Variants in PTPRS observed in about 807,000 individuals in gnomAD.
PTPRS encodes the protein receptor-type tyrosine-protein phosphatase S.
Under a neutral mutation model 215.3 loss-of-function variants are expected in PTPRS, and 63 were observed. The ratio of observed to expected loss-of-function variants is 0.29; its 90% CI spans 0.24 to 0.36. The LOEUF is 0.36. Among genes scored for constraint, PTPRS ranks in the 10% least tolerant of loss-of-function variants. The pLI, the probability that PTPRS is intolerant of heterozygous loss-of-function variation, is 1.00. For synonymous variants in PTPRS, 1,404 were observed against 1,191.4 expected (o/e 1.18, Z -3.68); for missense variants, 2,258 against 2,825.8 (o/e 0.80, Z 4.56).
intron 1 of PTPRS, among the ~76,000 whole-genome samples, chr19:5,325,908 G>A (rs1294529835): frequency 6.6e-6 from 1 of 152,242 alleles, no homozygotes; most frequent in Non-Finnish European, 1.5e-5. Context: ...AGAAAGTCCA[G>A]GAGATGCCCC....
intron 1 of PTPRS, among the ~76,000 whole-genome samples, chr19:5,331,128 T>TAAAAAAAAAA (rs1041351468): frequency 3.4e-4 from 34 of 100,100 alleles, no homozygotes; most frequent in African/African-American, 1.4e-3. Context: ...CTTCTTTTTT[T>TAAAAAAAAAA]AAAAAAAAAA....
chr19:5,215,650 A>G, intron 26 of PTPRS, 55 bp from the exon 27 acceptor site: 5 of 915,838 alleles, frequency 5.5e-6, no homozygotes, highest in South Asian at 4.2e-5. Flanking sequence ...CCAGCCGGGG[A>G]CTCGGGGGAG....
chr19:5,274,915 C>A lies in PTPRS; in HGVS notation c.92-571G>T, dbSNP rs532606150. On this transcript the variant is annotated intron_variant, in intron 2 of 37. Transcript: ENST00000262963. ...GTATTTGAACCCAGAGCTCCAGCTT[C>A]TTGGGAGGCATCCAGGAGGTGGCTG... Among the ~76,000 whole-genome samples, 55 of 152,284 alleles carry A rather than the reference C, an allele frequency of 3.6e-4. No individual in the cohort carries two copies. The South Asian group carries it at 0.011, about 32-fold the overall frequency.
rs566021053 is a variant in PTPRS, at chr19:5,263,395, G to A, written c.569-423C>T. Among the ~76,000 whole-genome samples the A allele has an allele frequency of 3.3e-5, 5 of 152,132 alleles. No homozygotes were observed. The South Asian group carries it at 8.3e-4, about 25-fold the overall frequency. On this transcript the variant is annotated intron_variant, in intron 5 of 37. Coordinates refer to ENST00000262963, the MANE Select transcript of PTPRS (RefSeq NM_002850.4). ...GCTTGGTTTTCACTAAGGAGGAGGA[G>A]CAGAAAGCGGAGAACAGGTAGGTAG...
rs1358000631 is a variant in PTPRS, at chr19:5,237,990, G to T, written c.1849+929C>A. Reference sequence around the variant, plus strand: ...CACACACCCAGGGCGGGCCTTGAAGGTTTGACCATCATGACTGATTCTGGA... The same window carrying T: ...CACACACCCAGGGCGGGCCTTGAAGTTTTGACCATCATGACTGATTCTGGA... On this transcript the variant is annotated intron_variant, in intron 13 of 37. Coordinates refer to ENST00000262963, the MANE Select transcript of PTPRS (RefSeq NM_002850.4). This position sits in a 1 kb window ranked among gnomAD's most constrained non-coding sequence, Gnocchi z 4.2. 6.6e-6 allele frequency among the ~76,000 whole-genome samples: 1 copy of T among 152,194 alleles called. No homozygotes were observed. The highest frequency in any genetic ancestry group is 6.5e-5 in the Admixed American group (1 of 15,292).
chr19:5,258,178 G>C, intron 7 of PTPRS, 51 bp from the exon 8 acceptor site: 1 of 1,481,704 alleles, frequency 6.7e-7, no homozygotes, highest in Non-Finnish European at 9.4e-7. Flanking sequence ...GCCCAGGAGT[G>C]AACAGGGAAA....
Position 5,237,293 on chromosome 19 carries a change from CG to C in PTPRS, c.1849+1625del, listed in dbSNP as rs966493481. On this transcript the variant is annotated intron_variant, in intron 13 of 37. Transcript: ENST00000262963. The surrounding 1 kb of genome is among the most constrained non-coding windows in gnomAD (Gnocchi z 4.2). ...TTCAGCCTAAGGAGCCCGCAGTCCC[CG>C]GGGGGATGGATACGCCTGGCCCTGA... 9.4e-4 allele frequency among the ~76,000 whole-genome samples: 143 copies of C among 152,322 alleles called. No homozygotes were observed. The highest frequency in any genetic ancestry group is 3.4e-3 in the African/African-American group (141 of 41,572).
intron 5 of PTPRS, among the ~76,000 whole-genome samples, chr19:5,263,624 C>T (rs1303727781): frequency 6.6e-6 from 1 of 152,216 alleles, no homozygotes; most frequent in African/African-American, 2.4e-5. Context: ...CAACTGAAAA[C>T]AGTAAATCCG....
rs904391707 is a variant in PTPRS, at chr19:5,295,527, G to C, written c.-94-9293C>G. Among the ~76,000 whole-genome samples, 1 of 152,126 alleles carries C rather than the reference G, an allele frequency of 6.6e-6. No homozygotes were observed. Among genetic ancestry groups the C allele is most frequent in the African/African-American group, 2.4e-5 (1 of 41,440 alleles). On this transcript the variant is annotated intron_variant, in intron 1 of 37. Transcript: ENST00000262963. The surrounding 1 kb of genome is among the most constrained non-coding windows in gnomAD (Gnocchi z 4.6). ...AGCCCTACATGCGCCTAGTCCCCGG[G>C]TCTGCCTCTCCCACCAGACTGTGAC...
intron 2 of PTPRS, among the ~76,000 whole-genome samples, chr19:5,276,121 C>T (rs2047338581): frequency 6.6e-6 from 1 of 152,240 alleles, no homozygotes; most frequent in Non-Finnish European, 1.5e-5. Context: ...GAACGTGCTC[C>T]TTTGAACCAG....
chr19:5,308,954 G>C lies in PTPRS; in HGVS notation c.-94-22720C>G, dbSNP rs1462311343. 3.9e-5 allele frequency among the ~76,000 whole-genome samples: 6 copies of C among 152,182 alleles called. No individual in the cohort carries two copies. The East Asian group carries it at 7.7e-4, about 20-fold the overall frequency. On this transcript the variant is annotated intron_variant, in intron 1 of 37. Transcript: ENST00000262963. The stretch of plus-strand genomic sequence containing the variant: ...TACCAGGAGCACGGGTGGGGTACGG[G>C]GCAGGGAGGCAAAAGGAACCCTGGG...
rs887184476 is a variant in PTPRS at position 5,220,940 on chromosome 19, C to T, written c.3455+60G>A. On this transcript the variant is annotated intron_variant, in intron 20 of 37. Transcript: ENST00000262963. ...GCACAGAGAGGGCACGTGGCTTGCCCCAGCCATATAGTAGGCTGATGGGGG... is the reference window on the plus strand; with the variant it reads ...GCACAGAGAGGGCACGTGGCTTGCCTCAGCCATATAGTAGGCTGATGGGGG... 8 of 1,542,818 alleles carry T rather than the reference C, an allele frequency of 5.2e-6. No homozygotes were observed. In the African/African-American group the frequency reaches 1.1e-4, roughly 21 times the overall value.
At chr19:5,225,509 G>C (rs1330396620) in intron 17 of PTPRS, among the ~76,000 whole-genome samples, 1 of 151,346 alleles carries the variant, frequency 6.6e-6, no homozygotes, top group Non-Finnish European at 1.5e-5. Context: ...GGAGCCGGGG[G>C]GACAGGAAGT....
At chr19:5,283,658 G>A (rs897756950) in intron 2 of PTPRS, among the ~76,000 whole-genome samples, 2 of 152,170 alleles carry the variant, frequency 1.3e-5, no homozygotes, top group South Asian at 4.1e-4. Context: ...AGACAGGCCA[G>A]GAAGACTCAG....
At chr19:5,322,216 C>T (rs1243361249) in intron 1 of PTPRS, among the ~76,000 whole-genome samples, 1 of 152,226 alleles carries the variant, frequency 6.6e-6, no homozygotes, top group Non-Finnish European at 1.5e-5. Flanking sequence ...GACACCCTCG[C>T]GGCCGTGCCT....
At chr19:5,337,068 C>T (rs1242396050) in intron 1 of PTPRS, among the ~76,000 whole-genome samples, 1 of 152,202 alleles carries the variant, frequency 6.6e-6, no homozygotes, top group Non-Finnish European at 1.5e-5. Flanking sequence ...CTACAGCGGT[C>T]AGCACTGCGC....
At chr19:5,320,965 G>A (rs2050009962) in intron 1 of PTPRS, among the ~76,000 whole-genome samples, 1 of 152,212 alleles carries the variant, frequency 6.6e-6, no homozygotes, top group East Asian at 1.9e-4. Context: ...CTCAACGAAT[G>A]AGAAGAATAA....
At position 5,339,198 on chromosome 19, in the gene PTPRS, G is replaced by T. The variant is rs547850977; in HGVS notation, c.-95+1466C>A. On this transcript the variant is annotated intron_variant, in intron 1 of 37. Coordinates refer to ENST00000262963, the MANE Select transcript of PTPRS (RefSeq NM_002850.4). The surrounding 1 kb of genome is among the most constrained non-coding windows in gnomAD (Gnocchi z 4.2). ...GGGCTCCCCTAGATTGTGACGGGGG[G>T]GGACAGGGGAATCCCAGCTGAGCCC... Among the ~76,000 whole-genome samples, 6 of 152,286 alleles carry T rather than the reference G, an allele frequency of 3.9e-5. No individual in the cohort carries two copies. The East Asian group carries it at 1.2e-3, about 30-fold the overall frequency.
At chr19:5,276,314 C>T (rs1437130790) in intron 2 of PTPRS, among the ~76,000 whole-genome samples, 1 of 152,050 alleles carries the variant, frequency 6.6e-6, no homozygotes, top group African/African-American at 2.4e-5. Context: ...CCTCCGCCTC[C>T]CAGGTTCAAG....
Sources: gnomAD v4.1 joint callset for allele counts (sites outside exome capture counted in the v4.1 genomes callset) on GRCh38, gnomAD v4.1.1 for gene constraint, Gnocchi (gnomAD v3.1) non-coding constraint, MANE v1.5 for transcripts, NCBI Gene and HGNC (gene_info 2026-07-23, HGNC 2026-07-21) for gene names.